The following C1orf21 variants were observed in gnomAD, a reference collection of about 807,000 sequenced individuals.
The protein encoded by C1orf21 is uncharacterized protein C1orf21.
Under a neutral mutation model 18.7 loss-of-function variants are expected in C1orf21, and 3 were observed. The observed-to-expected ratio is 0.16, with a 90% CI of 0.07 to 0.42. C1orf21 has a LOEUF of 0.42. Among genes scored for constraint, C1orf21 ranks in the 10% least tolerant of loss-of-function variants. The probability of loss-of-function intolerance (pLI) is 0.99; values close to 1 mark genes in which losing one functional copy is unlikely to be tolerated. For missense variants in C1orf21, 104 were observed against 143.6 expected (o/e 0.72, Z 1.41); for synonymous variants, 41 against 46.4 (o/e 0.88, Z 0.47).
chr1:184,627,296 T>C lies in C1orf21; in HGVS notation c.*7740T>C, dbSNP rs1186980704. The C allele has an allele frequency of 6.6e-6, 1 of 151,908 alleles. No individual in the cohort carries two copies. The highest frequency in any genetic ancestry group is 1.5e-5 in the Non-Finnish European group (1 of 68,010). The allele number at this position is 151,908 out of a possible 1,614,324, so 9.4% of individuals were successfully genotyped here. Reference sequence around the variant, plus strand: ...CGGAGTTCAGAGCATTGGGTTTTTTTCTCCCCTCCCCACCCCCAGAAAAAT... The same window carrying C: ...CGGAGTTCAGAGCATTGGGTTTTTTCCTCCCCTCCCCACCCCCAGAAAAAT... On this transcript the variant is annotated 3_prime_UTR_variant, in exon 6 of 6. Transcript: ENST00000235307.
rs547177049 is a variant in C1orf21 at position 184,414,459 on chromosome 1, T to C, written c.-125+27091T>C. 1.6e-3 allele frequency among the ~76,000 whole-genome samples: 242 copies of C among 152,308 alleles called. 1 individual carries two copies. The highest frequency in any genetic ancestry group is 4.8e-3 in the Admixed American group (74 of 15,306). On this transcript the variant is annotated intron_variant, in intron 1 of 5. Transcript: ENST00000235307. ...GATTTTAGACCCTGGGGAACCCATC[T>C]TTGGACTGTTTCTCAAAGAGAGGGC...
intron 1 of C1orf21, among the ~76,000 whole-genome samples, chr1:184,419,637 G>A (rs1656513787): frequency 6.6e-6 from 1 of 150,988 alleles, no homozygotes; most frequent in East Asian, 1.9e-4. Flanking sequence ...TTAGTACTAG[G>A]GGAAAAACAG....
chr1:184,561,799 G>T (rs965929700), intron 3 of C1orf21, among the ~76,000 whole-genome samples: 2 of 152,026 alleles, frequency 1.3e-5, no homozygotes, highest in Non-Finnish European at 2.9e-5. Flanking sequence ...TGTATTTTTA[G>T]TAGAGACGGG....
chr1:184,586,335 T>C (rs557431770), intron 3 of C1orf21, among the ~76,000 whole-genome samples: 221 of 143,392 alleles, frequency 1.5e-3, no homozygotes, highest in Middle Eastern at 3.8e-3. Context: ...CAGGCTGGAG[T>C]GCAGTGGTGC....
At chr1:184,409,505 A>G (rs1656300424) in intron 1 of C1orf21, among the ~76,000 whole-genome samples, 2 of 152,178 alleles carry the variant, frequency 1.3e-5, no homozygotes, top group African/African-American at 4.8e-5. Flanking sequence ...TTGGAAAATT[A>G]AAACAGAAAG....
At chr1:184,450,157 G>A (rs149618043) in intron 1 of C1orf21, among the ~76,000 whole-genome samples, 61 of 152,282 alleles carry the variant, frequency 4.0e-4, no homozygotes, top group African/African-American at 1.4e-3. Context: ...GGGTCACCTT[G>A]TAGAGTGCTT....
chr1:184,481,179 C>A (rs1431381617), intron 2 of C1orf21, among the ~76,000 whole-genome samples: 1 of 152,064 alleles, frequency 6.6e-6, no homozygotes, highest in African/African-American at 2.4e-5. Context: ...TAAAAAAAAA[C>A]TCTCTCTCTT....
chr1:184,411,855 A>G (rs1656360337), intron 1 of C1orf21, among the ~76,000 whole-genome samples: 3 of 151,960 alleles, frequency 2.0e-5, no homozygotes, highest in Admixed American at 1.3e-4. Flanking sequence ...AACTTATTTG[A>G]TGCTCTCCTG....
At chr1:184,517,234 C>G (rs562347207) in intron 3 of C1orf21, among the ~76,000 whole-genome samples, 1 of 152,200 alleles carries the variant, frequency 6.6e-6, no homozygotes, top group Non-Finnish European at 1.5e-5. Flanking sequence ...TATACATTCC[C>G]CTGTAGATAT....
intron 5 of C1orf21, among the ~76,000 whole-genome samples, chr1:184,618,493 G>A (rs971525946): frequency 6.6e-6 from 1 of 151,978 alleles, no homozygotes; most frequent in African/African-American, 2.4e-5. Flanking sequence ...TTAAATATTA[G>A]GAAAATGTAA....
At chr1:184,576,827 C>T (rs1558006703) in intron 3 of C1orf21, among the ~76,000 whole-genome samples, 2 of 152,136 alleles carry the variant, frequency 1.3e-5, no homozygotes, top group Non-Finnish European at 2.9e-5. Context: ...CTCCCCATGA[C>T]TTTTGGAATA....
intron 2 of C1orf21, among the ~76,000 whole-genome samples, chr1:184,498,699 A>G (rs1164690035): frequency 6.6e-6 from 1 of 152,228 alleles, no homozygotes; most frequent in Non-Finnish European, 1.5e-5. Flanking sequence ...TGTTATTGCA[A>G]TATAGTTTAC....
At chr1:184,580,716 C>T (rs968188403) in intron 3 of C1orf21, among the ~76,000 whole-genome samples, 114 of 152,194 alleles carry the variant, frequency 7.5e-4, no homozygotes, top group African/African-American at 2.6e-3. Context: ...TGTGTTTGTT[C>T]TTGCTTCAGT....
intron 5 of C1orf21, among the ~76,000 whole-genome samples, chr1:184,607,646 T>A (rs1390791211): frequency 1.3e-5 from 2 of 151,522 alleles, no homozygotes; most frequent in African/African-American, 4.8e-5. Context: ...TATATATGTG[T>A]GTGTATATAT....
At chr1:184,550,520 T>A (rs958709826) in intron 3 of C1orf21, among the ~76,000 whole-genome samples, 4 of 152,102 alleles carry the variant, frequency 2.6e-5, no homozygotes, top group Admixed American at 2.6e-4. Context: ...TATGTTTTGT[T>A]TGTTTCTTTG....
Position 184,629,001 on chromosome 1 carries a change from T to G in C1orf21, c.*9445T>G, listed in dbSNP as rs1325639923. ...TACATTTTGACATTGGACTTTCTATTAAATAATTTTTAAGAGTTGGCCTGG... is the reference window on the plus strand; with the variant it reads ...TACATTTTGACATTGGACTTTCTATGAAATAATTTTTAAGAGTTGGCCTGG... On this transcript the variant is annotated 3_prime_UTR_variant, in exon 6 of 6. Transcript: ENST00000235307. 2 of 152,638 alleles carry G rather than the reference T, an allele frequency of 1.3e-5. No individual in the cohort carries two copies. The highest frequency in any genetic ancestry group is 2.9e-5 in the Non-Finnish European group (2 of 68,046). 9.5% of individuals were successfully genotyped at this position (152,638 alleles called of 1,614,324 possible).
intron 4 of C1orf21, among the ~76,000 whole-genome samples, chr1:184,594,471 A>T (rs1384524824): frequency 1.3e-5 from 2 of 152,218 alleles, no homozygotes; most frequent in African/African-American, 4.8e-5. Context: ...CAAAACCCAC[A>T]TATTTGTATA....
At chr1:184,415,302 G>A (rs1181978950) in intron 1 of C1orf21, among the ~76,000 whole-genome samples, 1 of 152,162 alleles carries the variant, frequency 6.6e-6, no homozygotes, top group Non-Finnish European at 1.5e-5. Context: ...TAGCCTCTTT[G>A]GACCTTCTTC....
intron 1 of C1orf21, among the ~76,000 whole-genome samples, chr1:184,403,753 G>A (rs1451710099): frequency 6.6e-6 from 1 of 152,060 alleles, no homozygotes; most frequent in African/African-American, 2.4e-5. Context: ...TTTATTTAGT[G>A]GCAATAACTT....
Sources: gnomAD v4.1 joint callset for allele counts (sites outside exome capture counted in the v4.1 genomes callset) on GRCh38, gnomAD v4.1.1 for gene constraint, MANE v1.5 for transcripts, NCBI Gene and HGNC (gene_info 2026-07-23, HGNC 2026-07-21) for gene names.